Variants in MRC1 observed in about 807,000 individuals in gnomAD.
MRC1 encodes mannose receptor C-type 1.
MRC1 carries 62 observed loss-of-function variants against 102.9 expected under a neutral mutation model. That is an observed-to-expected ratio of 0.60 (90% confidence interval 0.49 to 0.74). The LOEUF (loss-of-function observed/expected upper bound fraction) is 0.74, where lower values mean the gene tolerates loss of function less well. MRC1 is among the 30% of genes least tolerant of loss of function. MRC1 has a pLI of 0.00. For synonymous variants in MRC1, 457 were observed against 298.4 expected (o/e 1.53, Z -5.48); for missense variants, 1,237 against 862.8 (o/e 1.43, Z -5.43).
intron 11 of MRC1, among the ~76,000 whole-genome samples, chr10:17,866,047 G>T (rs1048950902): frequency 1.8e-4 from 27 of 152,230 alleles, no homozygotes; most frequent in African/African-American, 6.0e-4. Context: ...GTTAAAGCTG[G>T]CATTCCTTAC....
chr10:17,889,177 T>G (rs1833640717), intron 22 of MRC1, among the ~76,000 whole-genome samples: 1 of 152,360 alleles, frequency 6.6e-6, no homozygotes, highest in South Asian at 2.1e-4. Context: ...AAAGTGAATT[T>G]CTTATACCAA....
chr10:17,909,397 T>C, intron 29 of MRC1, 50 bp downstream of exon 29: 7 of 833,022 alleles, frequency 8.4e-6, no homozygotes, highest in Non-Finnish European at 1.5e-5. Flanking sequence ...ACATCCGTAC[T>C]GTTTGTTTTA....
At position 17,902,565 on chromosome 10, in the gene MRC1, C is replaced by T. The variant is rs938754403; in HGVS notation, c.3799+443C>T. Among the ~76,000 whole-genome samples the T allele has an allele frequency of 5.9e-5, 9 of 152,172 alleles. 1 individual carries two copies. The highest frequency in any genetic ancestry group is 7.2e-5 in the African/African-American group (3 of 41,534). On this transcript the variant is annotated intron_variant, in intron 26 of 29. Coordinates refer to ENST00000569591, the MANE Select transcript of MRC1 (RefSeq NM_002438.4). Reference sequence around the variant, plus strand: ...ACACCACAAAGATGAATGATTTTTCCACCTGAAGTGAAAAATGTCAAATAA... The same window carrying T: ...ACACCACAAAGATGAATGATTTTTCTACCTGAAGTGAAAAATGTCAAATAA...
intron 18 of MRC1, 111 bp from the exon 19 acceptor site, chr10:17,879,610 G>A (rs1248782595): frequency 2.6e-5 from 20 of 778,524 alleles, no homozygotes; most frequent in Admixed American, 5.1e-5. Context: ...TGATCCACTC[G>A]CCTCGGCCTC....
chr10:17,843,594 G>A (rs1838781422), intron 5 of MRC1, among the ~76,000 whole-genome samples: 1 of 152,026 alleles, frequency 6.6e-6, no homozygotes, highest in South Asian at 2.1e-4. Context: ...AACCCAGGAG[G>A]TGGAGGTTGC....
At chr10:17,874,946 G>A (rs1302836410) in intron 16 of MRC1, 144 bp from the exon 17 acceptor site, 7 of 707,378 alleles carry the variant, frequency 9.9e-6, no homozygotes, top group African/African-American at 3.5e-5. Context: ...TATTTGACGT[G>A]GACATTCTGC....
chr10:17,877,675 A>G (rs1833455663), intron 17 of MRC1, among the ~76,000 whole-genome samples: 1 of 152,170 alleles, frequency 6.6e-6, no homozygotes, highest in Non-Finnish European at 1.5e-5. Flanking sequence ...TTGTAGGACT[A>G]TGCATCAAAT....
intron 21 of MRC1, among the ~76,000 whole-genome samples, chr10:17,881,612 A>G (rs1448855724): frequency 1.3e-5 from 2 of 151,890 alleles, no homozygotes; most frequent in African/African-American, 2.4e-5. Flanking sequence ...TCACTTGATC[A>G]TAGAACTTGT....
chr10:17,859,707 C>T (rs1833151807), intron 9 of MRC1, among the ~76,000 whole-genome samples: 1 of 152,118 alleles, frequency 6.6e-6, no homozygotes. Context: ...GGTTGGTGGG[C>T]GTATTTCTGA....
intron 1 of MRC1, among the ~76,000 whole-genome samples, chr10:17,811,993 C>T (rs139798921): frequency 0.15 from 23,281 of 152,102 alleles, 1,958 homozygotes; most frequent in South Asian, 0.25. Context: ...TATGCGAAGC[C>T]CCAACACCTC....
chr10:17,905,314 A>G (rs1463385067), intron 26 of MRC1, among the ~76,000 whole-genome samples: 2 of 152,188 alleles, frequency 1.3e-5, no homozygotes, highest in Admixed American at 6.5e-5. Flanking sequence ...TTTTTCTTGC[A>G]TAAATGCTTC....
At chr10:17,884,681 G>C (rs898960257) in intron 21 of MRC1, among the ~76,000 whole-genome samples, 1 of 152,128 alleles carries the variant, frequency 6.6e-6, no homozygotes, top group Non-Finnish European at 1.5e-5. Flanking sequence ...AGAACAGAAT[G>C]GGAGAAACCT....
intron 4 of MRC1, among the ~76,000 whole-genome samples, chr10:17,836,526 G>A (rs1838664998): frequency 6.6e-6 from 1 of 152,094 alleles, no homozygotes; most frequent in East Asian, 1.9e-4. Flanking sequence ...CAGACTTGCA[G>A]GCACGAGAGA....
At chr10:17,826,289 G>T (rs1032471679) in intron 2 of MRC1, among the ~76,000 whole-genome samples, 8 of 151,806 alleles carry the variant, frequency 5.3e-5, no homozygotes, top group Non-Finnish European at 8.8e-5. Flanking sequence ...AGCAACCTCC[G>T]CCTCCCGGGT....
chr10:17,836,830 C>G (rs985723680), intron 4 of MRC1, among the ~76,000 whole-genome samples: 1 of 150,688 alleles, frequency 6.6e-6, no homozygotes, highest in Non-Finnish European at 1.5e-5. Flanking sequence ...GAGTGAAACT[C>G]GTCTCAAAAA....
chr10:17,870,510 C>A, intron 13 of MRC1, 137 bp downstream of exon 13: 3 of 736,706 alleles, frequency 4.1e-6, no homozygotes. Context: ...AATCTGTGGG[C>A]CCTGTTTGAT....
intron 9 of MRC1, among the ~76,000 whole-genome samples, chr10:17,859,968 T>C (rs1833158362): frequency 2.0e-5 from 3 of 152,170 alleles, no homozygotes; most frequent in Admixed American, 6.5e-5. Context: ...ATGTTCTAGT[T>C]CTCCTTTAAC....
chr10:17,863,889 A>G (rs1299137027), intron 11 of MRC1, among the ~76,000 whole-genome samples: 1 of 152,026 alleles, frequency 6.6e-6, no homozygotes, highest in Non-Finnish European at 1.5e-5. Context: ...GTTCTAAAGA[A>G]AAAAGGAAGA....
intron 8 of MRC1, among the ~76,000 whole-genome samples, chr10:17,855,855 G>C (rs1308848760): frequency 6.6e-6 from 1 of 151,956 alleles, no homozygotes; most frequent in African/African-American, 2.4e-5. Flanking sequence ...CTGAGGCACA[G>C]TTACAAGAAA....
Sources: allele counts gnomAD v4.1 joint callset (sites outside exome capture counted in the v4.1 genomes callset), GRCh38; gene constraint gnomAD v4.1.1; transcripts MANE v1.5; gene names NCBI Gene and HGNC (gene_info 2026-07-23, HGNC 2026-07-21).